The following NALF1 variants were observed in gnomAD, a reference collection of about 807,000 sequenced individuals.
NALF1 encodes family with sequence similarity 155 member A.
A neutral mutation model predicts 48.4 loss-of-function variants in NALF1; 3 were observed. The observed-to-expected ratio is 0.06, with a 90% CI of 0.03 to 0.16. The LOEUF (loss-of-function observed/expected upper bound fraction) is 0.16, where lower values mean the gene tolerates loss of function less well. Ranked by LOEUF, NALF1 falls within the 10% of genes least tolerant of loss-of-function variation. The probability of loss-of-function intolerance (pLI) is 1.00; values close to 1 mark genes in which losing one functional copy is unlikely to be tolerated. For synonymous variants in NALF1, 262 were observed against 245.7 expected, an observed-to-expected ratio of 1.07 and a Z score of -0.62; for missense variants, 526 against 571.5, an observed-to-expected ratio of 0.92 and a Z score of 0.81.
intron 1 of NALF1, among the ~76,000 whole-genome samples, chr13:107,858,474 C>A (rs1428288046): frequency 2.6e-5 from 4 of 152,064 alleles, no homozygotes; most frequent in African/African-American, 7.2e-5. Context: ...GAGCATCACC[C>A]GAGGTGGAGA....
chr13:107,214,757 T>A (rs1879837199), intron 1 of NALF1, among the ~76,000 whole-genome samples: 1 of 152,230 alleles, frequency 6.6e-6, no homozygotes, highest in Non-Finnish European at 1.5e-5. Context: ...AGGAGCAGAC[T>A]ACACTAGAAA....
intron 1 of NALF1, among the ~76,000 whole-genome samples, chr13:107,803,906 C>T (rs1878694417): frequency 6.6e-6 from 1 of 152,128 alleles, no homozygotes; most frequent in African/African-American, 2.4e-5. Flanking sequence ...AGAGTCAGTC[C>T]ATGCACCATG....
At chr13:107,613,213 A>G (rs556780029) in intron 1 of NALF1, among the ~76,000 whole-genome samples, 30 of 152,186 alleles carry the variant, frequency 2.0e-4, no homozygotes, top group Non-Finnish European at 3.8e-4. Flanking sequence ...ATGAAATTGC[A>G]AATATTTTGT....
At chr13:107,233,634 G>T (rs1880275796) in intron 1 of NALF1, among the ~76,000 whole-genome samples, 2 of 152,116 alleles carry the variant, frequency 1.3e-5, no homozygotes, top group African/African-American at 4.8e-5. Context: ...ATATGTAAGT[G>T]ATTTGCTTAC....
At chr13:107,313,940 A>C (rs767696772) in intron 1 of NALF1, among the ~76,000 whole-genome samples, 8 of 152,306 alleles carry the variant, frequency 5.3e-5, no homozygotes, top group Non-Finnish European at 8.8e-5. Context: ...CCTTGGGTAC[A>C]TGTTGTCAGG....
chr13:107,184,476 C>T lies in NALF1; in HGVS notation c.1088-13690G>A, dbSNP rs538672027. 5.9e-5 allele frequency among the ~76,000 whole-genome samples: 9 copies of T among 152,212 alleles called. No individual in the cohort carries two copies. The South Asian group carries it at 8.3e-4, about 14-fold the overall frequency. On this transcript the variant is annotated intron_variant, in intron 2 of 2. Coordinates refer to ENST00000375915, the MANE Select transcript of NALF1 (RefSeq NM_001080396.3). ...TGCCTTGGACTTAGTCTCTGTTTTC[C>T]GGAGAGCTCTTCAAGACTGTCCTCC...
chr13:107,269,903 C>G (rs12877240), intron 1 of NALF1, among the ~76,000 whole-genome samples: 2 of 145,168 alleles, frequency 1.4e-5, no homozygotes, highest in Admixed American at 7.0e-5. Context: ...CCCACCACCA[C>G]GCCCGGCTAA....
At chr13:107,217,536 T>G (rs2138811715) in intron 1 of NALF1, among the ~76,000 whole-genome samples, 1 of 152,232 alleles carries the variant, frequency 6.6e-6, no homozygotes, top group South Asian at 2.1e-4. Context: ...AATGCTGATC[T>G]CTCTCTCTCT....
chr13:107,860,122 A>G (rs1880531638), intron 1 of NALF1, among the ~76,000 whole-genome samples: 1 of 152,098 alleles, frequency 6.6e-6, no homozygotes, highest in Non-Finnish European at 1.5e-5. Flanking sequence ...TAGTTGCCTG[A>G]CACAACCTTA....
intron 1 of NALF1, among the ~76,000 whole-genome samples, chr13:107,841,957 C>A (rs1418862860): frequency 6.6e-6 from 1 of 151,680 alleles, no homozygotes; most frequent in African/African-American, 2.4e-5. Flanking sequence ...TAATGAGTAG[C>A]CACATATTAA....
chr13:107,717,960 C>G (rs1241690714), intron 1 of NALF1, among the ~76,000 whole-genome samples: 4 of 152,196 alleles, frequency 2.6e-5, no homozygotes, highest in Non-Finnish European at 5.9e-5. Context: ...GCTCACTAAG[C>G]TTACTCACTC....
At chr13:107,851,600 G>A (rs9520604) in intron 1 of NALF1, among the ~76,000 whole-genome samples, 62,266 of 151,760 alleles carry the variant, frequency 0.41, 14,405 homozygotes, top group Non-Finnish European at 0.53. Flanking sequence ...GAAGAGAAAC[G>A]ACGACCCTTT....
intron 1 of NALF1, among the ~76,000 whole-genome samples, chr13:107,518,464 C>T (rs886843382): frequency 6.6e-6 from 1 of 152,024 alleles, no homozygotes; most frequent in African/African-American, 2.4e-5. Context: ...AAGGAGCTCT[C>T]CAAGGTACTT....
At chr13:107,295,616 G>T (rs1427937133) in intron 1 of NALF1, among the ~76,000 whole-genome samples, 1 of 152,142 alleles carries the variant, frequency 6.6e-6, no homozygotes, top group Non-Finnish European at 1.5e-5. Flanking sequence ...ATTGCTTAAG[G>T]CTTCCCCCAA....
Position 107,169,233 on chromosome 13 carries a change from A to G in NALF1, c.*1264T>C, listed in dbSNP as rs930280943. 5 of 152,284 alleles carry G rather than the reference A, an allele frequency of 3.3e-5. No individual in the cohort carries two copies. Among genetic ancestry groups the G allele is most frequent in the African/African-American group, 1.2e-4 (5 of 41,452 alleles). The allele number at this position is 152,284 out of a possible 1,614,324, so 9.4% of individuals were successfully genotyped here. A position where few individuals can be genotyped will look rare whatever the true frequency, so the allele number is the denominator to read the frequency against. On this transcript the variant is annotated 3_prime_UTR_variant, in exon 3 of 3. Coordinates refer to ENST00000375915, the MANE Select transcript of NALF1 (RefSeq NM_001080396.3). Reference sequence around the variant, plus strand: ...TGACCTATTTATTTTTTAAAAAAGAAGTTGTTCCTCTGTGATAATGCAGAA... The same window carrying G: ...TGACCTATTTATTTTTTAAAAAAGAGGTTGTTCCTCTGTGATAATGCAGAA...
intron 1 of NALF1, among the ~76,000 whole-genome samples, chr13:107,717,985 C>A (rs1381124020): frequency 1.3e-5 from 2 of 152,174 alleles, no homozygotes; most frequent in Non-Finnish European, 2.9e-5. Context: ...TTAGACCCAG[C>A]CCTCCACCTG....
At chr13:107,225,329 G>GT (rs1429909437) in intron 1 of NALF1, among the ~76,000 whole-genome samples, 6 of 151,804 alleles carry the variant, frequency 4.0e-5, no homozygotes, top group African/African-American at 1.5e-4. Flanking sequence ...TTTATTTTTT[G>GT]TTTTTGTTAT....
chr13:107,832,191 TC>T (rs1325287789), intron 1 of NALF1, among the ~76,000 whole-genome samples: 2 of 151,944 alleles, frequency 1.3e-5, no homozygotes, highest in Admixed American at 1.3e-4. Context: ...TGATGGATAT[TC>T]AATCCTATTA....
chr13:107,257,578 G>GAAATGGAA (rs1175727886), intron 1 of NALF1, among the ~76,000 whole-genome samples: 3 of 150,672 alleles, frequency 2.0e-5, no homozygotes, highest in Non-Finnish European at 4.4e-5. Flanking sequence ...GAGAATCATT[G>GAAATGGAA]AAATGGGTAT....
Sources: gnomAD v4.1 joint callset for allele counts (sites outside exome capture counted in the v4.1 genomes callset) on GRCh38, gnomAD v4.1.1 for gene constraint, MANE v1.5 for transcripts, NCBI Gene and HGNC (gene_info 2026-07-23, HGNC 2026-07-21) for gene names.